The following PFKP variants were observed in gnomAD, a reference collection of about 807,000 sequenced individuals.
The protein encoded by PFKP is ATP-dependent 6-phosphofructokinase, platelet type.
PFKP carries 101 observed loss-of-function variants against 94.3 expected under a neutral mutation model. The observed-to-expected ratio is 1.07, with a 90% CI of 0.91 to 1.26. The LOEUF (loss-of-function observed/expected upper bound fraction) is 1.26, where lower values mean the gene tolerates loss of function less well. Among genes scored for constraint, PFKP ranks in the 50% most tolerant of loss-of-function variants. The pLI, the probability that PFKP is intolerant of heterozygous loss-of-function variation, is 0.00. For synonymous variants in PFKP, 573 were observed against 432.6 expected (o/e 1.32, Z -4.03); for missense variants, 1,145 against 1,103.3 (o/e 1.04, Z -0.53).
chr10:3,121,371 G>A (rs967306740), intron 16 of PFKP, among the ~76,000 whole-genome samples: 1 of 152,160 alleles, frequency 6.6e-6, no homozygotes, highest in Non-Finnish European at 1.5e-5. Context: ...ACTGGATTCC[G>A]TCATTGCTTT....
intron 10 of PFKP, 61 bp from the exon 11 acceptor site, chr10:3,112,161 C>T (rs532050616): frequency 3.0e-6 from 4 of 1,346,718 alleles, no homozygotes; most frequent in Middle Eastern, 3.6e-4. Context: ...CTCTACCTAC[C>T]CCATCCATGA....
intron 13 of PFKP, among the ~76,000 whole-genome samples, chr10:3,114,228 C>A (rs2131609778): frequency 6.6e-6 from 1 of 151,644 alleles, no homozygotes; most frequent in African/African-American, 2.4e-5. Flanking sequence ...TGGCCCACTG[C>A]AGCCTCTGCC....
Position 3,114,578 on chromosome 10 carries a change from C to G in PFKP, c.1371+1060C>G, listed in dbSNP as rs80114651. Among the ~76,000 whole-genome samples the G allele has an allele frequency of 1.0e-3, 152 of 152,354 alleles. 2 individuals are homozygous for G. In the East Asian group the frequency reaches 0.024, roughly 24 times the overall value. On this transcript the variant is annotated intron_variant, in intron 13 of 21. Transcript: ENST00000381125. ...CAGTGGCTGAGGATCCTCCTGCTCT[C>G]TGGATGGTGAGCAGTGCTCAGAGGC...
intron 2 of PFKP, among the ~76,000 whole-genome samples, chr10:3,084,693 C>CAGTCCTCCAGCCACTCCCCAGGAG (rs1833352082): frequency 3.1e-5 from 3 of 95,786 alleles, no homozygotes; most frequent in African/African-American, 1.2e-4. Flanking sequence ...GTCTCCAGCA[C>CAGTCCTCCAGCCACTCCCCAGGAG]AGTCCTCCAG....
At chr10:3,108,601 A>C (rs1309179805) in intron 8 of PFKP, 100 bp from the exon 9 acceptor site, 1 of 836,758 alleles carries the variant, frequency 1.2e-6, no homozygotes, top group Non-Finnish European at 2.0e-6. Context: ...GATCTGAAGA[A>C]AGAGCGAAAA....
intron 2 of PFKP, among the ~76,000 whole-genome samples, chr10:3,095,243 T>C (rs527825449): frequency 2.0e-5 from 3 of 151,898 alleles, no homozygotes; most frequent in African/African-American, 7.2e-5. Flanking sequence ...CACCCATAGG[T>C]GAACTACGCG....
chr10:3,135,733 T>C lies in PFKP; in HGVS notation c.2123-3T>C. 2 of 1,590,990 alleles carry C rather than the reference T, an allele frequency of 1.3e-6. No homozygotes were observed. The highest frequency in any genetic ancestry group is 1.7e-6 in the Non-Finnish European group (2 of 1,160,704). On this transcript the variant is annotated splice_polypyrimidine_tract_variant and splice_region_variant and intron_variant, in intron 20 of 21. Transcript: ENST00000381125. ...TATTAATCTTTTTTAAAATCTTTTA[T>C]AGGAAAAAAATTTACCACCGATGAT...
chr10:3,130,606 C>A (rs546032619), intron 17 of PFKP, among the ~76,000 whole-genome samples: 3 of 152,338 alleles, frequency 2.0e-5, no homozygotes, highest in African/African-American at 7.2e-5. Flanking sequence ...GTCACCCAGG[C>A]TGGAGTGCAG....
At chr10:3,068,966 C>A (rs1338747443) in intron 1 of PFKP, among the ~76,000 whole-genome samples, 1 of 152,070 alleles carries the variant, frequency 6.6e-6, no homozygotes, top group Non-Finnish European at 1.5e-5. Context: ...GGGTGACCTT[C>A]CCTTCGCCCT....
chr10:3,122,193 G>A (rs145994613), intron 16 of PFKP, among the ~76,000 whole-genome samples: 3,068 of 151,204 alleles, frequency 0.02, 49 homozygotes, highest in Non-Finnish European at 0.032. Context: ...CGTTGGCCAG[G>A]CACAGCCACC....
At chr10:3,074,317 G>C (rs1409980711) in intron 1 of PFKP, among the ~76,000 whole-genome samples, 2 of 152,192 alleles carry the variant, frequency 1.3e-5, no homozygotes, top group Non-Finnish European at 2.9e-5. Flanking sequence ...TCTTATGAAA[G>C]GGCCCAGGGG....
intron 2 of PFKP, among the ~76,000 whole-genome samples, chr10:3,083,563 G>A (rs542649315): frequency 2.0e-5 from 3 of 152,102 alleles, no homozygotes; most frequent in Admixed American, 6.5e-5. Context: ...CAGCAAACAC[G>A]TTCTGTATAC....
At chr10:3,103,410 G>A (rs757504705) in intron 4 of PFKP, among the ~76,000 whole-genome samples, 1 of 152,156 alleles carries the variant, frequency 6.6e-6, no homozygotes, top group Non-Finnish European at 1.5e-5. Flanking sequence ...ACTTTGGAAG[G>A]CCAAGGCAGA....
chr10:3,113,046 C>T, intron 11 of PFKP, 73 bp from the exon 12 acceptor site: 8 of 1,397,688 alleles, frequency 5.7e-6, no homozygotes, highest in Non-Finnish European at 7.9e-6. Flanking sequence ...AGATAAGCCA[C>T]CTTTTCTCCA....
chr10:3,136,695 GTGCCCATCTGCCCCACC>G lies in PFKP; in HGVS notation c.*120_*136del. 1 of 1,124,464 alleles carries G rather than the reference GTGCCCATCTGCCCCACC, an allele frequency of 8.9e-7. No individual in the cohort carries two copies. The highest frequency in any genetic ancestry group is 1.3e-6 in the Non-Finnish European group (1 of 787,476). 69.7% of individuals were successfully genotyped at this position (1,124,464 alleles called of 1,614,324 possible). A position where few individuals can be genotyped will look rare whatever the true frequency, so the allele number is the denominator to read the frequency against. On this transcript the variant is annotated 3_prime_UTR_variant, in exon 22 of 22. Coordinates refer to ENST00000381125, the MANE Select transcript of PFKP (RefSeq NM_002627.5). ...ATTGACATTAATACCTAATCGGCGA[GTGCCCATCTGCCCCACC>G]TGCTCCAGTGCGTGCTGTCTGTGGA...
intron 16 of PFKP, among the ~76,000 whole-genome samples, chr10:3,128,504 C>T (rs1838197160): frequency 1.1e-5 from 1 of 89,656 alleles, no homozygotes; most frequent in African/African-American, 3.6e-5. Context: ...GAAAATAATA[C>T]TCTCTCCCAC....
At position 3,084,220 on chromosome 10, in the gene PFKP, C is replaced by G. The variant is rs528673588; in HGVS notation, c.186+1759C>G. Reference sequence around the variant, plus strand: ...CTCTTGCCTAAGTAATTCCTGAAACCTGTCCAGCCTCGTCCCAGCCCCGCG... The same window carrying G: ...CTCTTGCCTAAGTAATTCCTGAAACGTGTCCAGCCTCGTCCCAGCCCCGCG... On this transcript the variant is annotated intron_variant, in intron 2 of 21. Transcript: ENST00000381125. Among the ~76,000 whole-genome samples, 4 of 152,314 alleles carry G rather than the reference C, an allele frequency of 2.6e-5. No individual in the cohort carries two copies. In the South Asian group the frequency reaches 8.3e-4, roughly 32 times the overall value.
intron 3 of PFKP, among the ~76,000 whole-genome samples, chr10:3,099,714 C>T (rs1236109374): frequency 6.6e-6 from 1 of 152,168 alleles, no homozygotes; most frequent in African/African-American, 2.4e-5. Flanking sequence ...GGTGGAGCAA[C>T]GTTTGCAAAA....
At chr10:3,134,712 GT>G in intron 20 of PFKP, 130 bp downstream of exon 20, 1 of 613,384 alleles carries the variant, frequency 1.6e-6, no homozygotes, top group South Asian at 2.2e-5. Flanking sequence ...TGCACGTGAT[GT>G]TTTACTCCTG....
Sources: allele counts gnomAD v4.1 joint callset (sites outside exome capture counted in the v4.1 genomes callset), GRCh38; gene constraint gnomAD v4.1.1; transcripts MANE v1.5; gene names NCBI Gene and HGNC (gene_info 2026-07-23, HGNC 2026-07-21).